Variants in SLC35E2B observed in about 807,000 individuals in gnomAD.
The protein encoded by SLC35E2B is solute carrier family 35, member E2B.
In SLC35E2B, 18 loss-of-function variants were observed where a neutral mutation model predicts 32.4. That is an observed-to-expected ratio of 0.56 (90% confidence interval 0.38 to 0.82). The LOEUF is 0.82. Ranked by LOEUF, SLC35E2B falls within the 40% of genes least tolerant of loss-of-function variation. The pLI is 0.00. For synonymous variants in SLC35E2B, 132 were observed against 209.1 expected (o/e 0.63, Z 3.18); for missense variants, 263 against 469.5 (o/e 0.56, Z 4.06).
intron 2 of SLC35E2B, among the ~76,000 whole-genome samples, chr1:1,677,406 G>A (rs932077273): frequency 2.4e-4 from 36 of 151,534 alleles, no homozygotes; most frequent in Non-Finnish European, 4.6e-4. Flanking sequence ...CCTGGCAGCT[G>A]CACCTTCTCG....
intron 2 of SLC35E2B, among the ~76,000 whole-genome samples, chr1:1,690,307 A>AT (rs1553172031): frequency 2.1e-4 from 21 of 100,550 alleles, no homozygotes; most frequent in Admixed American, 1.4e-3. Context: ...AACAAAAAAA[A>AT]ATATATATAT....
intron 2 of SLC35E2B, among the ~76,000 whole-genome samples, chr1:1,688,554 C>T (rs1045509945): frequency 6.6e-6 from 1 of 151,586 alleles, no homozygotes; most frequent in African/African-American, 2.4e-5. Flanking sequence ...GAGCGGAGAT[C>T]GCGCCATTGC....
At chr1:1,679,664 T>C (rs932164874) in intron 2 of SLC35E2B, among the ~76,000 whole-genome samples, 1 of 148,214 alleles carries the variant, frequency 6.7e-6, no homozygotes, top group African/African-American at 2.5e-5. Context: ...CCGTCTCTAC[T>C]AAAAGTACAA....
chr1:1,670,741 T>G (rs910347302), intron 6 of SLC35E2B: 1 of 152,314 alleles, frequency 6.6e-6, no homozygotes, highest in Non-Finnish European at 1.5e-5. Context: ...TTTACTTCTG[T>G]ATTATTCAAA....
intron 2 of SLC35E2B, among the ~76,000 whole-genome samples, chr1:1,678,021 A>C (rs1232694643): frequency 1.3e-5 from 2 of 151,232 alleles, no homozygotes. Flanking sequence ...TGTTTCTCAC[A>C]CCTGGGTTTC....
intron 7 of SLC35E2B, 145 bp downstream of exon 7, chr1:1,669,953 T>C (rs1480009611): frequency 1.1e-6 from 1 of 877,170 alleles, no homozygotes; most frequent in Non-Finnish European, 1.8e-6. Flanking sequence ...GGCGGGTCCC[T>C]CCCGAGCTTA....
At position 1,662,409 on chromosome 1, in the gene SLC35E2B, GACCCGTCTGAGTGATC is replaced by G. The variant is rs1195925797; in HGVS notation, c.*3357_*3372del. ...GTCTTGTTGGCCTGTTATTCCCACT[GACCCGTCTGAGTGATC>G]ACCCAGGAGCGCGGCGGCAGCAAGC... On this transcript the variant is annotated 3_prime_UTR_variant, in exon 10 of 10. Transcript: ENST00000617444. 2 of 883,234 alleles carry G rather than the reference GACCCGTCTGAGTGATC, an allele frequency of 2.3e-6. No individual in the cohort carries two copies. Among genetic ancestry groups the G allele is most frequent in the African/African-American group, 4.3e-5 (2 of 46,360 alleles). 54.7% of individuals were successfully genotyped at this position (883,234 alleles called of 1,614,324 possible).
intron 9 of SLC35E2B, among the ~76,000 whole-genome samples, chr1:1,667,647 T>G (rs890449120): frequency 6.6e-6 from 1 of 152,096 alleles, no homozygotes; most frequent in African/African-American, 2.4e-5. Context: ...GCTCAGAAGC[T>G]GTATGTGGCC....
At chr1:1,683,880 C>T (rs1259152867) in intron 2 of SLC35E2B, among the ~76,000 whole-genome samples, 1 of 152,170 alleles carries the variant, frequency 6.6e-6, no homozygotes, top group Non-Finnish European at 1.5e-5. Flanking sequence ...CATATCAGAG[C>T]ACAAGTGCAA....
intron 2 of SLC35E2B, among the ~76,000 whole-genome samples, chr1:1,680,556 A>G (rs4074196): frequency 0.45 from 67,787 of 151,812 alleles, 15,415 homozygotes; most frequent in East Asian, 0.55. Flanking sequence ...AGCCAACGTC[A>G]CACCGACCTG....
In SLC35E2B at chr1:1,692,579, T is replaced by G. The variant is rs1201140608; in HGVS notation, c.-696A>C. On this transcript the variant is annotated 5_prime_UTR_variant, in exon 1 of 10. Coordinates refer to ENST00000617444, the MANE Select transcript of SLC35E2B (RefSeq NM_001290264.2). ...CCGGGCGCGAGGCCGCGGAGACAGC[T>G]CGGAGCTCGGCACTGGGGAGTGGCA... 1 of 985,346 alleles carries G rather than the reference T, an allele frequency of 1.0e-6. No individual in the cohort carries two copies. Among genetic ancestry groups the G allele is most frequent in the Non-Finnish European group, 1.2e-6 (1 of 830,164 alleles). The allele number at this position is 985,346 out of a possible 1,614,324, so 61.0% of individuals were successfully genotyped here.
At chr1:1,680,636 C>T (rs1396174999) in intron 2 of SLC35E2B, among the ~76,000 whole-genome samples, 1 of 152,070 alleles carries the variant, frequency 6.6e-6, no homozygotes, top group African/African-American at 2.4e-5. Flanking sequence ...CCACGTGGTC[C>T]CGGGGTCTCC....
chr1:1,673,522 GCT>G, intron 5 of SLC35E2B: 1 of 232,222 alleles, frequency 4.3e-6, no homozygotes, highest in South Asian at 4.6e-5. Flanking sequence ...ACAAAAATTA[GCT>G]GGGTGTGGGG....
At chr1:1,678,867 G>A (rs771423480) in intron 2 of SLC35E2B, among the ~76,000 whole-genome samples, 15 of 152,172 alleles carry the variant, frequency 9.9e-5, no homozygotes, top group Non-Finnish European at 1.6e-4. Context: ...CCAGTTTCCC[G>A]GACTGATGGG....
chr1:1,669,697 C>T lies in SLC35E2B; in HGVS notation c.801G>A (p.Val267=). 6.5e-7 allele frequency: 1 copy of T among 1,535,092 alleles called. No homozygotes were observed. The highest frequency in any genetic ancestry group is 8.8e-7 in the Non-Finnish European group (1 of 1,135,058). The stretch of plus-strand genomic sequence containing the variant: ...AAACCCGGGCCGGGACGAGCATGGC[C>T]ACCGCAGCGGCGCTGGTGTAGAACT... ...ELQFYTSAAA[V]AMLVPARVFF... Residue 267 remains valine (V), a synonymous_variant, in exon 8 of 10, where the codon GTG becomes GTA. Transcript: ENST00000617444.
chr1:1,665,042 TG>T lies in SLC35E2B; in HGVS notation c.*739del, dbSNP rs1460628833. On this transcript the variant is annotated 3_prime_UTR_variant, in exon 10 of 10. Transcript: ENST00000617444. ...CCACAGGTAGGAGGGCAGGGTGCCCTGGGGTTGCGGGGAGCTCACGCAGCCC... is the reference window on the plus strand; with the variant it reads ...CCACAGGTAGGAGGGCAGGGTGCCCTGGGTTGCGGGGAGCTCACGCAGCCC... The T allele has an allele frequency of 3.2e-5, 30 of 924,858 alleles. No homozygotes were observed. The highest frequency in any genetic ancestry group is 3.9e-5 in the Non-Finnish European group (30 of 774,872). The allele number at this position is 924,858 out of a possible 1,614,324, so 57.3% of individuals were successfully genotyped here.
At position 1,665,695 on chromosome 1, in the gene SLC35E2B, C is replaced by G; in HGVS notation, c.*87G>C. On this transcript the variant is annotated 3_prime_UTR_variant, in exon 10 of 10. Coordinates refer to ENST00000617444, the MANE Select transcript of SLC35E2B (RefSeq NM_001290264.2). ...AACTTAGCTCCCCATGTCCTGCACCCCAGCAGGGCCATGGAGGAGGGCGTC... is the reference window on the plus strand; with the variant it reads ...AACTTAGCTCCCCATGTCCTGCACCGCAGCAGGGCCATGGAGGAGGGCGTC... 3 of 1,500,054 alleles carry G rather than the reference C, an allele frequency of 2.0e-6. No homozygotes were observed. Among genetic ancestry groups the G allele is most frequent in the Non-Finnish European group, 2.7e-6 (3 of 1,119,216 alleles). 92.9% of individuals were successfully genotyped at this position (1,500,054 alleles called of 1,614,324 possible). A position where few individuals can be genotyped will look rare whatever the true frequency, so the allele number is the denominator to read the frequency against.
intron 2 of SLC35E2B, among the ~76,000 whole-genome samples, chr1:1,680,168 G>C (rs1643888612): frequency 6.6e-6 from 1 of 151,608 alleles, no homozygotes; most frequent in Non-Finnish European, 1.5e-5. Flanking sequence ...GGGCATGGTG[G>C]TGCATGTCTG....
chr1:1,680,059 G>A (rs146819166), intron 2 of SLC35E2B, among the ~76,000 whole-genome samples: 8,956 of 151,530 alleles, frequency 0.059, 396 homozygotes, highest in Admixed American at 0.11. Context: ...CCCGGGAGGC[G>A]GAGGTTGCGG....
Sources: allele counts gnomAD v4.1 joint callset (sites outside exome capture counted in the v4.1 genomes callset), GRCh38; gene constraint gnomAD v4.1.1; transcripts MANE v1.5; gene names NCBI Gene and HGNC (gene_info 2026-07-23, HGNC 2026-07-21).